The following DSCAM variants were observed in gnomAD, a reference collection of about 807,000 sequenced individuals.
DSCAM encodes the protein DS cell adhesion molecule.
In DSCAM, 47 loss-of-function variants were observed where a neutral mutation model predicts 217.7. That is an observed-to-expected ratio of 0.22 (90% CI 0.17 to 0.28). The LOEUF (loss-of-function observed/expected upper bound fraction) is 0.28, where lower values mean the gene tolerates loss of function less well. Among genes scored for constraint, DSCAM ranks in the 10% least tolerant of loss-of-function variants. The pLI is 1.00. For missense variants in DSCAM, 2,080 were observed against 2,618.3 expected, an observed-to-expected ratio of 0.79 and a Z score of 4.49; for synonymous variants, 1,056 against 1,015.3, an observed-to-expected ratio of 1.04 and a Z score of -0.76.
chr21:40,296,035 T>C lies in DSCAM; in HGVS notation c.2182+20A>G. 1.2e-6 allele frequency: 2 copies of C among 1,608,670 alleles called. No individual in the cohort carries two copies. The highest frequency in any genetic ancestry group is 1.7e-6 in the Non-Finnish European group (2 of 1,178,230). ...TAGCAAATGTTTGACAGGTAACAAGTAGATCAAGTAACTCCATACCTTTAG... is the reference window on the plus strand; with the variant it reads ...TAGCAAATGTTTGACAGGTAACAAGCAGATCAAGTAACTCCATACCTTTAG... On this transcript the variant is annotated intron_variant, in intron 10 of 32. Coordinates refer to ENST00000400454, the MANE Select transcript of DSCAM (RefSeq NM_001389.5).
chr21:40,442,649 A>C (rs1431106554), intron 3 of DSCAM, among the ~76,000 whole-genome samples: 1 of 150,966 alleles, frequency 6.6e-6, no homozygotes, highest in African/African-American at 2.4e-5. Context: ...CCTCCTGAAT[A>C]GCTGGGAGCA....
chr21:40,241,540 T>C (rs1472025386), intron 11 of DSCAM, among the ~76,000 whole-genome samples: 5 of 152,138 alleles, frequency 3.3e-5, no homozygotes, highest in African/African-American at 1.2e-4. Context: ...ACACTGTTGG[T>C]GGGAGTGTAA....
At chr21:40,438,171 C>G (rs2075600283) in intron 3 of DSCAM, among the ~76,000 whole-genome samples, 1 of 152,176 alleles carries the variant, frequency 6.6e-6, no homozygotes, top group African/African-American at 2.4e-5. Context: ...TGTCATTGAG[C>G]TTAAAATGAA....
intron 1 of DSCAM, among the ~76,000 whole-genome samples, chr21:40,779,828 C>T (rs2091524212): frequency 6.6e-6 from 1 of 152,144 alleles, no homozygotes; most frequent in Admixed American, 6.5e-5. Flanking sequence ...CCCATGTGGC[C>T]ACTGCATAGT....
At chr21:40,835,120 TGA>T (rs2092046414) in intron 1 of DSCAM, among the ~76,000 whole-genome samples, 1 of 152,232 alleles carries the variant, frequency 6.6e-6, no homozygotes, top group Non-Finnish European at 1.5e-5. Context: ...ATAATAATAC[TGA>T]GTCACATTAT....
intron 3 of DSCAM, among the ~76,000 whole-genome samples, chr21:40,585,336 C>CACATATGCAAAA (rs2076937397): frequency 3.8e-5 from 2 of 52,498 alleles, no homozygotes; most frequent in Non-Finnish European, 1.0e-4. Flanking sequence ...AAAAATGCTG[C>CACATATGCAAAA]GTGAACCCGG....
At chr21:40,663,050 T>C (rs1215816920) in intron 3 of DSCAM, among the ~76,000 whole-genome samples, 2 of 90,894 alleles carry the variant, frequency 2.2e-5, no homozygotes, top group African/African-American at 3.1e-5. Context: ...CATGTGAGTG[T>C]GTGTGTGTGC....
chr21:40,037,274 C>G (rs2088643766), intron 32 of DSCAM, among the ~76,000 whole-genome samples: 1 of 149,356 alleles, frequency 6.7e-6, no homozygotes, highest in Non-Finnish European at 1.5e-5. Context: ...ACCCCATTGT[C>G]TCAGCCCAAA....
intron 27 of DSCAM, among the ~76,000 whole-genome samples, chr21:40,074,760 G>A (rs1260992567): frequency 6.6e-6 from 1 of 152,208 alleles, no homozygotes; most frequent in African/African-American, 2.4e-5. Context: ...AGAGACTAGA[G>A]TTAAAAAATT....
intron 20 of DSCAM, among the ~76,000 whole-genome samples, chr21:40,096,528 T>C (rs1444322114): frequency 6.6e-6 from 1 of 151,998 alleles, no homozygotes. Flanking sequence ...AGGGCATTAG[T>C]GAGCTATGGA....
intron 1 of DSCAM, among the ~76,000 whole-genome samples, chr21:40,803,568 C>T (rs537310332): frequency 5.1e-4 from 78 of 152,236 alleles, no homozygotes; most frequent in African/African-American, 1.8e-3. Context: ...CCTTCTCTTT[C>T]GTCTCTCAGG....
At chr21:40,579,949 G>T (rs928997817) in intron 3 of DSCAM, among the ~76,000 whole-genome samples, 1 of 152,178 alleles carries the variant, frequency 6.6e-6, no homozygotes, top group South Asian at 2.1e-4. Context: ...GTACTCAGCT[G>T]ATGGTCAGGC....
intron 3 of DSCAM, among the ~76,000 whole-genome samples, chr21:40,648,533 C>T (rs1221333490): frequency 6.6e-6 from 1 of 152,172 alleles, no homozygotes; most frequent in Non-Finnish European, 1.5e-5. Context: ...GGTACATCCA[C>T]AGACTGGATT....
Position 40,485,319 on chromosome 21 carries a change from T to G in DSCAM, c.509-116074A>C, listed in dbSNP as rs571026604. On this transcript the variant is annotated intron_variant, in intron 3 of 32. Transcript: ENST00000400454. ...GTGCAGTGGCGCGATCTCGGCTCACTGCAAGCTCCGCCTCCCAGGTTCACG... is the reference window on the plus strand; with the variant it reads ...GTGCAGTGGCGCGATCTCGGCTCACGGCAAGCTCCGCCTCCCAGGTTCACG... 6.1e-5 allele frequency among the ~76,000 whole-genome samples: 9 copies of G among 148,562 alleles called. No individual in the cohort carries two copies. The South Asian group carries it at 1.9e-3, about 32-fold the overall frequency.
chr21:40,041,603 C>A (rs1234776876), intron 32 of DSCAM, among the ~76,000 whole-genome samples: 1 of 152,184 alleles, frequency 6.6e-6, no homozygotes, highest in Non-Finnish European at 1.5e-5. Flanking sequence ...TGACCCTGTT[C>A]TCTAGCCTCT....
intron 16 of DSCAM, among the ~76,000 whole-genome samples, chr21:40,158,469 G>A (rs1318838999): frequency 6.6e-6 from 1 of 152,186 alleles, no homozygotes; most frequent in Non-Finnish European, 1.5e-5. Flanking sequence ...GCTACTGTAT[G>A]TTCCCTGTTA....
intron 3 of DSCAM, among the ~76,000 whole-genome samples, chr21:40,566,640 G>T (rs1477667743): frequency 2.6e-5 from 4 of 152,068 alleles, no homozygotes; most frequent in Non-Finnish European, 5.9e-5. Flanking sequence ...TGGGCTTTGT[G>T]ACACAGAATG....
chr21:40,376,517 TATATATCTTATATAGATATCG>T (rs1193912863), intron 3 of DSCAM, among the ~76,000 whole-genome samples: 9,049 of 80,500 alleles, frequency 0.11, 1,622 homozygotes, highest in South Asian at 0.16. Flanking sequence ...TATCGATATC[TATATATCTTATATAGATATCG>T]ATATATCTTA....
At chr21:40,442,251 CTT>C (rs1196039733) in intron 3 of DSCAM, among the ~76,000 whole-genome samples, 5 of 151,990 alleles carry the variant, frequency 3.3e-5, no homozygotes, top group Non-Finnish European at 7.4e-5. Flanking sequence ...GTGTATATAA[CTT>C]ATATATACAT....
Sources: gnomAD v4.1 joint callset for allele counts (sites outside exome capture counted in the v4.1 genomes callset) on GRCh38, gnomAD v4.1.1 for gene constraint, MANE v1.5 for transcripts, NCBI Gene and HGNC (gene_info 2026-07-23, HGNC 2026-07-21) for gene names.